Variants in NR6A1 observed in about 807,000 individuals in gnomAD.
NR6A1 encodes nuclear receptor subfamily 6 group A member 1.
NR6A1 carries 7 observed loss-of-function variants against 59.1 expected under a neutral mutation model. The observed-to-expected ratio is 0.12, with a 90% CI of 0.07 to 0.22. The LOEUF (loss-of-function observed/expected upper bound fraction) is 0.22. NR6A1 is among the 10% of genes least tolerant of loss of function. NR6A1 has a pLI of 1.00. For synonymous variants in NR6A1, 243 were observed against 236.1 expected, an observed-to-expected ratio of 1.03 and a Z score of -0.27; for missense variants, 468 against 611.6, an observed-to-expected ratio of 0.77 and a Z score of 2.48.
intron 2 of NR6A1, among the ~76,000 whole-genome samples, chr9:124,627,882 CTTTT>C (rs59874800): frequency 0.036 from 3,035 of 83,774 alleles, 56 homozygotes; most frequent in Admixed American, 0.11. Context: ...CTGAGATTTT[CTTTT>C]TTTTTTTTTT....
rs1026355651 is a variant in NR6A1 at position 124,686,597 on chromosome 9, G to A, written c.142+46711C>T. On this transcript the variant is annotated intron_variant, in intron 2 of 9. Transcript: ENST00000487099. The stretch of plus-strand genomic sequence containing the variant: ...ATCCTGATTTACCATGAAAAAAAAC[G>A]AGTCCTGCTTCCTGTGGGTTTGCAA... Among the ~76,000 whole-genome samples, 7 of 151,964 alleles carry A rather than the reference G, an allele frequency of 4.6e-5. No individual in the cohort carries two copies. The East Asian group carries it at 5.8e-4, about 13-fold the overall frequency.
At chr9:124,696,771 C>T (rs1377082321) in intron 2 of NR6A1, among the ~76,000 whole-genome samples, 1 of 152,128 alleles carries the variant, frequency 6.6e-6, no homozygotes, top group Non-Finnish European at 1.5e-5. Context: ...ATCCGCCCAC[C>T]TCAGCCTCCC....
intron 2 of NR6A1, among the ~76,000 whole-genome samples, chr9:124,608,842 G>C (rs1588706470): frequency 6.6e-6 from 1 of 152,164 alleles, no homozygotes; most frequent in South Asian, 2.1e-4. Context: ...CATTCTGACT[G>C]GTGTGAGATG....
chr9:124,660,368 C>A (rs563407383), intron 2 of NR6A1, among the ~76,000 whole-genome samples: 6 of 152,290 alleles, frequency 3.9e-5, no homozygotes, highest in Admixed American at 6.5e-5. Context: ...GGTCAGCCTA[C>A]GAGTTAATCC....
At chr9:124,660,914 G>A (rs563508448) in intron 2 of NR6A1, among the ~76,000 whole-genome samples, 3 of 152,138 alleles carry the variant, frequency 2.0e-5, no homozygotes, top group South Asian at 2.1e-4. Flanking sequence ...AAAAAAATAC[G>A]CTTAGTAACA....
At chr9:124,573,623 T>A (rs938214546) in intron 2 of NR6A1, among the ~76,000 whole-genome samples, 1 of 152,236 alleles carries the variant, frequency 6.6e-6, no homozygotes, top group Non-Finnish European at 1.5e-5. Context: ...ATCTTCATTA[T>A]CTTCCTCCAC....
intron 2 of NR6A1, among the ~76,000 whole-genome samples, chr9:124,567,585 T>C (rs1834301746): frequency 6.6e-6 from 1 of 151,768 alleles, no homozygotes; most frequent in African/African-American, 2.4e-5. Flanking sequence ...GGCAAGACAA[T>C]GAGACCCTGT....
At chr9:124,664,370 G>A (rs1837540161) in intron 2 of NR6A1, among the ~76,000 whole-genome samples, 1 of 152,200 alleles carries the variant, frequency 6.6e-6, no homozygotes, top group Non-Finnish European at 1.5e-5. Flanking sequence ...TCATATCTTA[G>A]CTCTGCCACT....
chr9:124,715,177 A>T (rs1839379700), intron 2 of NR6A1, among the ~76,000 whole-genome samples: 1 of 151,344 alleles, frequency 6.6e-6, no homozygotes, highest in African/African-American at 2.4e-5. Flanking sequence ...CAGCCTGGTG[A>T]CAGAGTGAGT....
At chr9:124,570,568 T>C (rs1044192344) in intron 2 of NR6A1, among the ~76,000 whole-genome samples, 1 of 152,202 alleles carries the variant, frequency 6.6e-6, no homozygotes, top group African/African-American at 2.4e-5. Flanking sequence ...AGTCCTTAAT[T>C]CCCTTCTTAT....
At chr9:124,633,998 TATG>T (rs1404410641) in intron 2 of NR6A1, among the ~76,000 whole-genome samples, 1 of 152,262 alleles carries the variant, frequency 6.6e-6, no homozygotes, top group Non-Finnish European at 1.5e-5. Flanking sequence ...GTTTTTGGAA[TATG>T]ATGATAGCCT....
chr9:124,561,195 G>A (rs903418157), intron 2 of NR6A1, among the ~76,000 whole-genome samples: 1 of 152,154 alleles, frequency 6.6e-6, no homozygotes, highest in African/African-American at 2.4e-5. Context: ...CAGCACTTTA[G>A]GAGGCCAAAG....
intron 2 of NR6A1, among the ~76,000 whole-genome samples, chr9:124,600,138 A>C (rs1408894456): frequency 6.6e-6 from 1 of 152,252 alleles, no homozygotes; most frequent in Middle Eastern, 3.2e-3. Flanking sequence ...CCATTTTAGA[A>C]AATCAGGAGC....
chr9:124,760,039 CA>C (rs1174587797), intron 1 of NR6A1, among the ~76,000 whole-genome samples: 278 of 97,128 alleles, frequency 2.9e-3, no homozygotes, highest in African/African-American at 5.2e-3. Context: ...GACTCCATCT[CA>C]AAAAAAAAAA....
intron 2 of NR6A1, among the ~76,000 whole-genome samples, chr9:124,588,462 C>T (rs1327164498): frequency 1.3e-5 from 2 of 151,692 alleles, no homozygotes; most frequent in African/African-American, 2.4e-5. Context: ...CGCCCGCCAC[C>T]ACGCCCGGCT....
chr9:124,769,762 C>A (rs777903243), intron 1 of NR6A1, among the ~76,000 whole-genome samples: 3 of 152,186 alleles, frequency 2.0e-5, no homozygotes, highest in Non-Finnish European at 2.9e-5. Flanking sequence ...ATAAATAAAT[C>A]GGGTTTGCCG....
At chr9:124,532,614 T>C (rs1357817077) in intron 7 of NR6A1, among the ~76,000 whole-genome samples, 1 of 152,188 alleles carries the variant, frequency 6.6e-6, no homozygotes, top group Admixed American at 6.5e-5. Context: ...TGTTGAAGTT[T>C]AACTGTTATT....
chr9:124,527,050 C>T (rs1417048593), intron 7 of NR6A1, 150 bp from the exon 8 acceptor site: 2 of 935,934 alleles, frequency 2.1e-6, no homozygotes, highest in African/African-American at 3.3e-5. Context: ...CAGATCCATG[C>T]TTTGTCTACA....
chr9:124,576,941 A>T (rs551304103), intron 2 of NR6A1, among the ~76,000 whole-genome samples: 2 of 152,278 alleles, frequency 1.3e-5, no homozygotes, highest in East Asian at 3.9e-4. Context: ...CTGTAGTCCC[A>T]GGTACTCGAG....
Sources: allele counts gnomAD v4.1 joint callset (sites outside exome capture counted in the v4.1 genomes callset), GRCh38; gene constraint gnomAD v4.1.1; transcripts MANE v1.5; gene names NCBI Gene and HGNC (gene_info 2026-07-23, HGNC 2026-07-21).